Variants in SNX8 observed in about 807,000 individuals in gnomAD.
SNX8 encodes sorting nexin-8.
SNX8 carries 25 observed loss-of-function variants against 51.6 expected under a neutral mutation model. The ratio of observed to expected loss-of-function variants is 0.48; its 90% CI spans 0.35 to 0.68. The LOEUF (loss-of-function observed/expected upper bound fraction) is 0.68, where lower values mean the gene tolerates loss of function less well. SNX8 is among the 30% of genes least tolerant of loss of function. The pLI, the probability that SNX8 is intolerant of heterozygous loss-of-function variation, is 0.00. For missense variants in SNX8, 695 were observed against 624.0 expected (o/e 1.11, Z -1.21); for synonymous variants, 324 against 277.0 (o/e 1.17, Z -1.68).
At position 2,268,143 on chromosome 7, in the gene SNX8, C is replaced by T. The variant is rs1212215983; in HGVS notation, c.621+1416G>A. ...GGGGTCAGCCCCCCGCCTGGCCAGC[C>T]GCCCCATCCGGGAGGGAGGTGGGGG... On this transcript the variant is annotated intron_variant, in intron 5 of 10. Coordinates refer to ENST00000222990, the MANE Select transcript of SNX8 (RefSeq NM_013321.4). 9.4e-4 allele frequency among the ~76,000 whole-genome samples: 134 copies of T among 142,734 alleles called. 4 individuals carry two copies. The highest frequency in any genetic ancestry group is 4.9e-4 in the Admixed American group (7 of 14,254). The allele number at this position is 142,734 out of a possible 152,430, so 93.6% of individuals were successfully genotyped here. A position where few individuals can be genotyped will look rare whatever the true frequency, so the allele number is the denominator to read the frequency against.
At chr7:2,330,901 G>C (rs1778721002) in intron 1 of SNX8, among the ~76,000 whole-genome samples, 1 of 151,850 alleles carries the variant, frequency 6.6e-6, no homozygotes. Flanking sequence ...AAAATTCCTA[G>C]ACACCGGGCG....
chr7:2,261,567 G>C (rs1795337519), intron 7 of SNX8, among the ~76,000 whole-genome samples: 1 of 152,210 alleles, frequency 6.6e-6, no homozygotes, highest in Admixed American at 6.5e-5. Flanking sequence ...CAATGCATAG[G>C]GCAGGGCCCT....
intron 1 of SNX8, among the ~76,000 whole-genome samples, chr7:2,336,475 A>G (rs1182739208): frequency 1.3e-5 from 2 of 151,788 alleles, no homozygotes; most frequent in African/African-American, 2.4e-5. Context: ...TTGGGAGGCC[A>G]AGGCAGGCAG....
intron 1 of SNX8, chr7:2,288,495 T>C (rs1382587745): frequency 6.0e-6 from 1 of 166,568 alleles, no homozygotes; most frequent in Non-Finnish European, 1.5e-5. Context: ...ACACACGTCA[T>C]TCCCCTCCTC....
intron 1 of SNX8, among the ~76,000 whole-genome samples, chr7:2,351,054 C>T (rs1422298106): frequency 6.6e-6 from 1 of 152,100 alleles, no homozygotes; most frequent in South Asian, 2.1e-4. Context: ...GAGTTTGAGG[C>T]TGCAGTGAGC....
At chr7:2,306,858 C>G (rs1000348345) in intron 1 of SNX8, among the ~76,000 whole-genome samples, 4 of 152,146 alleles carry the variant, frequency 2.6e-5, no homozygotes, top group African/African-American at 4.8e-5. Context: ...TCATCAGGCT[C>G]CTGGTGGACA....
chr7:2,325,822 ACT>A (rs146698053), intron 1 of SNX8, among the ~76,000 whole-genome samples: 3,372 of 152,054 alleles, frequency 0.022, 132 homozygotes, highest in African/African-American at 0.077. Flanking sequence ...ACAGAGCAAG[ACT>A]CTGTCTCAAA....
chr7:2,256,541 C>G (rs567483864), intron 10 of SNX8, among the ~76,000 whole-genome samples: 1 of 152,216 alleles, frequency 6.6e-6, no homozygotes, highest in East Asian at 1.9e-4. Flanking sequence ...TGCGGCGCTC[C>G]GAAGCGCTAG....
chr7:2,294,943 T>C (rs1374166995), intron 1 of SNX8, among the ~76,000 whole-genome samples: 1 of 151,968 alleles, frequency 6.6e-6, no homozygotes, highest in African/African-American at 2.4e-5. Context: ...GGTAGGAGGA[T>C]CACTTGAGCC....
rs1178218626 is a variant in SNX8, at chr7:2,273,584, TCAAAAA to T, written c.418+1522_418+1527del. On this transcript the variant is annotated intron_variant, in intron 3 of 10. Coordinates refer to ENST00000222990, the MANE Select transcript of SNX8 (RefSeq NM_013321.4). ...CTGGGTGACACGGCGAGTCTTCGTC[TCAAAAA>T]CAAAAACAAAAACAAAAAACACCAT... Among the ~76,000 whole-genome samples, 9 of 138,032 alleles carry T rather than the reference TCAAAAA, an allele frequency of 6.5e-5. No homozygotes were observed. In the South Asian group the frequency reaches 6.9e-4, roughly 11 times the overall value. The allele number at this position is 138,032 out of a possible 152,430, so 90.6% of individuals were successfully genotyped here.
At chr7:2,273,396 C>T (rs925773932) in intron 3 of SNX8, among the ~76,000 whole-genome samples, 33 of 148,416 alleles carry the variant, frequency 2.2e-4, no homozygotes, top group African/African-American at 7.7e-4. Flanking sequence ...CATCCTAACA[C>T]GGTGAAACCC....
At position 2,275,099 on chromosome 7, in the gene SNX8, C is replaced by T. The variant is rs377536254; in HGVS notation, c.418+13G>A. ...CTCCCTCCGCCCCCGGTGGGCAGCA[C>T]GCCTGGCTTTACCTCCCAGCATTCT... On this transcript the variant is annotated intron_variant, in intron 3 of 10. Coordinates refer to ENST00000222990, the MANE Select transcript of SNX8 (RefSeq NM_013321.4). 7.9e-5 allele frequency: 125 copies of T among 1,582,194 alleles called. 2 individuals are homozygous for T. Among genetic ancestry groups the T allele is most frequent in the South Asian group, 7.1e-4 (64 of 90,474 alleles).
intron 1 of SNX8, among the ~76,000 whole-genome samples, chr7:2,341,713 C>G (rs1583125368): frequency 6.6e-6 from 1 of 151,896 alleles, no homozygotes; most frequent in African/African-American, 2.4e-5. Flanking sequence ...ATCGGCCACG[C>G]GCAGTGGCTC....
intron 1 of SNX8, among the ~76,000 whole-genome samples, chr7:2,321,851 G>C (rs1252362647): frequency 1.3e-5 from 2 of 151,078 alleles, no homozygotes; most frequent in Non-Finnish European, 2.9e-5. Flanking sequence ...AGCCTCCCGA[G>C]TAGCTGGGAT....
At chr7:2,265,371 A>G (rs1339335680) in intron 5 of SNX8, among the ~76,000 whole-genome samples, 1 of 152,048 alleles carries the variant, frequency 6.6e-6, no homozygotes, top group Non-Finnish European at 1.5e-5. Flanking sequence ...TTAGCTGGAT[A>G]CAGTGACTCA....
At chr7:2,334,044 A>G (rs1366951189) in intron 1 of SNX8, among the ~76,000 whole-genome samples, 2 of 152,106 alleles carry the variant, frequency 1.3e-5, no homozygotes, top group Non-Finnish European at 2.9e-5. Flanking sequence ...CCAAGGAGGG[A>G]GGATCCCTTG....
At chr7:2,336,569 A>G (rs10264072) in intron 1 of SNX8, among the ~76,000 whole-genome samples, 78,560 of 151,578 alleles carry the variant, frequency 0.52, 20,611 homozygotes, top group East Asian at 0.78. Context: ...TTAGCTGGGC[A>G]TGGTGGTGCG....
chr7:2,342,077 C>T (rs551540902), intron 1 of SNX8, among the ~76,000 whole-genome samples: 50 of 149,338 alleles, frequency 3.3e-4, no homozygotes, highest in Middle Eastern at 3.6e-3. Context: ...CTGGATCTCT[C>T]AGATGCAAGG....
At chr7:2,276,853 G>A (rs1795792023) in intron 2 of SNX8, among the ~76,000 whole-genome samples, 1 of 150,742 alleles carries the variant, frequency 6.6e-6, no homozygotes, top group Non-Finnish European at 1.5e-5. Flanking sequence ...ACTGAGGTGG[G>A]AGGGTTGCTT....
Sources: gnomAD v4.1 joint callset for allele counts (sites outside exome capture counted in the v4.1 genomes callset) on GRCh38, gnomAD v4.1.1 for gene constraint, MANE v1.5 for transcripts, NCBI Gene and HGNC (gene_info 2026-07-23, HGNC 2026-07-21) for gene names.